SNX7: variants seen among roughly 807,000 people sequenced by gnomAD.
The protein encoded by SNX7 is sorting nexin-7.
A neutral mutation model predicts 48.4 loss-of-function variants in SNX7; 35 were observed. That is an observed-to-expected ratio of 0.72 (90% CI 0.55 to 0.96). The LOEUF (loss-of-function observed/expected upper bound fraction) is 0.96. Ranked by LOEUF, SNX7 falls within the 40% of genes least tolerant of loss-of-function variation. The pLI, the probability that SNX7 is intolerant of heterozygous loss-of-function variation, is 0.00. For missense variants in SNX7, 553 were observed against 548.9 expected (o/e 1.01, Z -0.07); for synonymous variants, 190 against 190.2 (o/e 1.00, Z 0.01).
At chr1:98,661,691 T>TGGCGGC (rs1266282138), upstream of SNX7, 1 of 1,198,628 alleles carries the variant, frequency 8.3e-7, no homozygotes, top group Non-Finnish European at 1.0e-6. Flanking sequence ...GGAGCCGGGC[T>TGGCGGC]GGCGGCGGCG....
chr1:98,746,111 C>T (rs182710365), intron 8 of SNX7, among the ~76,000 whole-genome samples: 16 of 152,014 alleles, frequency 1.1e-4, no homozygotes, highest in Admixed American at 2.0e-4. Context: ...CCATAGACTC[C>T]GAGAAACTGC....
At chr1:98,744,296 A>G (rs944262517) in intron 8 of SNX7, among the ~76,000 whole-genome samples, 7 of 152,086 alleles carry the variant, frequency 4.6e-5, no homozygotes, top group African/African-American at 7.2e-5. Context: ...GGAGTGGACA[A>G]TTCTAAAAAG....
intron 7 of SNX7, among the ~76,000 whole-genome samples, chr1:98,710,772 A>G (rs1373329766): frequency 6.6e-6 from 1 of 152,230 alleles, no homozygotes; most frequent in African/African-American, 2.4e-5. Flanking sequence ...TAGAGCAGTA[A>G]CACACTAGGA....
intron 6 of SNX7, among the ~76,000 whole-genome samples, chr1:98,700,329 G>A (rs1039336017): frequency 6.6e-6 from 1 of 152,098 alleles, no homozygotes; most frequent in Non-Finnish European, 1.5e-5. Flanking sequence ...TACTCAAAAT[G>A]TATTTGTGCA....
intron 7 of SNX7, among the ~76,000 whole-genome samples, chr1:98,705,329 A>G (rs1651955794): frequency 1.3e-5 from 2 of 152,194 alleles, no homozygotes; most frequent in Non-Finnish European, 2.9e-5. Flanking sequence ...AACTTGATAA[A>G]TCAAAGATCA....
chr1:98,687,735 A>G (rs1650885186), intron 2 of SNX7, among the ~76,000 whole-genome samples: 1 of 152,126 alleles, frequency 6.6e-6, no homozygotes, highest in Admixed American at 6.6e-5. Flanking sequence ...GTACTGGGTA[A>G]TTTATAAAGG....
chr1:98,733,545 T>G (rs1321347102), intron 7 of SNX7, among the ~76,000 whole-genome samples: 1 of 152,188 alleles, frequency 6.6e-6, no homozygotes, highest in Non-Finnish European at 1.5e-5. Flanking sequence ...GTATCAACCT[T>G]AAAGAACTAT....
chr1:98,731,427 T>C (rs1308752080), intron 7 of SNX7, among the ~76,000 whole-genome samples: 1 of 152,138 alleles, frequency 6.6e-6, no homozygotes, highest in African/African-American at 2.4e-5. Flanking sequence ...CATGAGCTGC[T>C]TCAGAATTCC....
At chr1:98,746,719 C>A (rs1654325448) in intron 8 of SNX7, among the ~76,000 whole-genome samples, 1 of 152,050 alleles carries the variant, frequency 6.6e-6, no homozygotes, top group Non-Finnish European at 1.5e-5. Context: ...TGCCTTTGAA[C>A]TTATGTTTGC....
Position 98,760,207 on chromosome 1 carries a change from G to A in SNX7, c.*76G>A, listed in dbSNP as rs1376921757. 5 of 1,188,412 alleles carry A rather than the reference G, an allele frequency of 4.2e-6. No individual in the cohort carries two copies. The East Asian group carries it at 9.5e-5, about 23-fold the overall frequency. 73.6% of individuals were successfully genotyped at this position (1,188,412 alleles called of 1,614,324 possible). A position where few individuals can be genotyped will look rare whatever the true frequency, so the allele number is the denominator to read the frequency against. On this transcript the variant is annotated 3_prime_UTR_variant, in exon 9 of 9. Transcript: ENST00000306121. ...AAGTTATTCTTTCTGGATCTGCCGT[G>A]TCCTTATAAAGTGGATGAAAAATGT...
chr1:98,747,013 A>G (rs1020615215), intron 8 of SNX7, among the ~76,000 whole-genome samples: 2 of 152,046 alleles, frequency 1.3e-5, no homozygotes, highest in African/African-American at 4.8e-5. Flanking sequence ...ATTAATTTTG[A>G]AAAAAACTTA....
At chr1:98,750,867 G>T (rs922699993) in intron 8 of SNX7, among the ~76,000 whole-genome samples, 1 of 152,088 alleles carries the variant, frequency 6.6e-6, no homozygotes, top group Non-Finnish European at 1.5e-5. Context: ...AGGAGGAGAA[G>T]TAAAATTTTA....
chr1:98,685,806 A>G (rs80289941), intron 2 of SNX7, among the ~76,000 whole-genome samples: 3,778 of 152,182 alleles, frequency 0.025, 160 homozygotes, highest in African/African-American at 0.087. Context: ...TTCCAATGAA[A>G]CTGCCACACT....
intron 7 of SNX7, among the ~76,000 whole-genome samples, chr1:98,724,484 T>C (rs1256692217): frequency 6.6e-6 from 1 of 152,028 alleles, no homozygotes; most frequent in Non-Finnish European, 1.5e-5. Context: ...CTTTTCATAA[T>C]GTATTAGGAG....
At position 98,671,600 on chromosome 1, in the gene SNX7, A is replaced by G. The variant is rs1649866590; in HGVS notation, c.180+9689A>G. ...TTTGGGTGAATGATTTTTTTAAGAT[A>G]ATTAACCAGATTGTACAACTATCAC... On this transcript the variant is annotated intron_variant, in intron 1 of 8. Transcript: ENST00000306121. Among the ~76,000 whole-genome samples, 7 of 152,168 alleles carry G rather than the reference A, an allele frequency of 4.6e-5. No individual in the cohort carries two copies. In the South Asian group the frequency reaches 1.5e-3, roughly 32 times the overall value.
At chr1:98,727,255 A>G (rs961709983) in intron 7 of SNX7, among the ~76,000 whole-genome samples, 2 of 152,146 alleles carry the variant, frequency 1.3e-5, no homozygotes, top group African/African-American at 4.8e-5. Flanking sequence ...TACCAAATTT[A>G]TTTTGCAAAC....
intron 1 of SNX7, among the ~76,000 whole-genome samples, chr1:98,666,801 C>T (rs540684715): frequency 2.0e-5 from 3 of 152,268 alleles, no homozygotes; most frequent in Non-Finnish European, 2.9e-5. Context: ...ATGTAGGTTT[C>T]GTGTTGTCCA....
chr1:98,735,352 A>G (rs183693569), intron 7 of SNX7, among the ~76,000 whole-genome samples: 1 of 152,250 alleles, frequency 6.6e-6, no homozygotes, highest in East Asian at 1.9e-4. Flanking sequence ...ATTCACTGTG[A>G]GGAAATACCT....
intron 7 of SNX7, among the ~76,000 whole-genome samples, chr1:98,705,797 C>T (rs1651976349): frequency 6.6e-6 from 1 of 152,012 alleles, no homozygotes; most frequent in Non-Finnish European, 1.5e-5. Context: ...TGTACTTTAT[C>T]CTTTGCTCAG....
Sources: allele counts gnomAD v4.1 joint callset (sites outside exome capture counted in the v4.1 genomes callset), GRCh38; gene constraint gnomAD v4.1.1; transcripts MANE v1.5; gene names NCBI Gene and HGNC (gene_info 2026-07-23, HGNC 2026-07-21).